KCNH5: variants seen among roughly 807,000 people sequenced by gnomAD.
The protein encoded by KCNH5 is voltage-gated delayed rectifier potassium channel KCNH5.
In KCNH5, 46 loss-of-function variants were observed where a neutral mutation model predicts 96.1. The ratio of observed to expected loss-of-function variants is 0.48; its 90% CI spans 0.38 to 0.61. KCNH5 has a LOEUF of 0.61. Among genes scored for constraint, KCNH5 ranks in the 20% least tolerant of loss-of-function variants. KCNH5 has a pLI of 0.00. For synonymous variants in KCNH5, 439 were observed against 449.8 expected (o/e 0.98, Z 0.30); for missense variants, 907 against 1,225.8 (o/e 0.74, Z 3.88).
chr14:62,844,701 TA>T (rs1157961695), intron 8 of KCNH5, among the ~76,000 whole-genome samples: 2 of 152,192 alleles, frequency 1.3e-5, no homozygotes, highest in East Asian at 1.9e-4. Context: ...TGTTCTATAT[TA>T]AAAAATATTG....
intron 8 of KCNH5, among the ~76,000 whole-genome samples, chr14:62,811,967 G>C (rs1886881408): frequency 6.6e-6 from 1 of 152,086 alleles, no homozygotes. Context: ...ATTAGGCATG[G>C]TTTGAAAAGT....
At chr14:62,959,657 G>A (rs75741258) in intron 6 of KCNH5, among the ~76,000 whole-genome samples, 3,480 of 152,136 alleles carry the variant, frequency 0.023, 76 homozygotes, top group African/African-American at 0.064. Flanking sequence ...GGTGTCACTA[G>A]TATAATCCTC....
At chr14:62,738,768 G>C (rs1199661994) in intron 10 of KCNH5, among the ~76,000 whole-genome samples, 1 of 152,120 alleles carries the variant, frequency 6.6e-6, no homozygotes, top group Non-Finnish European at 1.5e-5. Context: ...AATAAAACAT[G>C]TCTCTTGTTT....
At chr14:63,017,063 T>C (rs986071692) in intron 1 of KCNH5, 109 bp from the exon 2 acceptor site, 1 of 1,043,186 alleles carries the variant, frequency 9.6e-7, no homozygotes, top group African/African-American at 1.6e-5. Context: ...ACAACTATGG[T>C]TTGTAATTGT....
At position 62,971,285 on chromosome 14, in the gene KCNH5, C is replaced by T. The variant is rs533833790; in HGVS notation, c.942+9587G>A. ...ATTTACTTTAGCCCTCCCCAAAATA[C>T]TTAAATATAAATCTAATAAAATGTG... On this transcript the variant is annotated intron_variant, in intron 6 of 10. Transcript: ENST00000322893. Among the ~76,000 whole-genome samples, 28 of 152,120 alleles carry T rather than the reference C, an allele frequency of 1.8e-4. No individual in the cohort carries two copies. In the South Asian group the frequency reaches 3.9e-3, roughly 21 times the overall value.
chr14:62,963,751 T>C (rs1890255735), intron 6 of KCNH5, among the ~76,000 whole-genome samples: 1 of 152,094 alleles, frequency 6.6e-6, no homozygotes. Flanking sequence ...AGTAACAATG[T>C]GTAATCTGAA....
chr14:62,701,047 T>C lies in KCNH5; in HGVS notation c.*6461A>G, dbSNP rs549373164. ...AGCTTCAAGGTGAATATTTTGGCTT[T>C]GACTGCTTTGGTCATTCAACAGTCA... On this transcript the variant is annotated 3_prime_UTR_variant, in exon 11 of 11. Transcript: ENST00000322893. 1.4e-4 allele frequency: 21 copies of C among 152,300 alleles called. No individual in the cohort carries two copies. Among genetic ancestry groups the C allele is most frequent in the African/African-American group, 4.3e-4 (18 of 41,584 alleles). The allele number at this position is 152,300 out of a possible 1,614,324, so 9.4% of individuals were successfully genotyped here.
Position 62,981,236 on chromosome 14 carries a change from G to C in KCNH5, c.578C>G (p.Pro193Arg). 6.2e-7 allele frequency: 1 copy of C among 1,614,056 alleles called. No individual in the cohort carries two copies. Among genetic ancestry groups the C allele is most frequent in the Non-Finnish European group, 8.5e-7 (1 of 1,179,982 alleles). ...CTTTGGCGCTTCTTGTTTATACTGA[G>C]GAAGGATATCTGATCCCAGCTGAAG... ...EVLQLGSDIL[P>R]QYKQEAPKTP... Residue 193 changes from proline to arginine, a missense_variant, in exon 6 of 11, where the codon CCT becomes CGT. Physicochemically the swap from Pro to Arg is moderately radical, Grantham distance 103. Around this residue, in one of 6 missense-constraint regions of KCNH5, gnomAD observed 370 missense variants for 561.3 expected, o/e 0.66. Coordinates refer to ENST00000322893, the MANE Select transcript of KCNH5 (RefSeq NM_139318.5).
intron 8 of KCNH5, among the ~76,000 whole-genome samples, chr14:62,807,369 A>G (rs1886788606): frequency 6.6e-6 from 1 of 152,172 alleles, no homozygotes; most frequent in African/African-American, 2.4e-5. Flanking sequence ...AAAGAGCTCT[A>G]ATTAATTGGC....
intron 10 of KCNH5, among the ~76,000 whole-genome samples, chr14:62,753,673 G>A (rs373253654): frequency 2.0e-5 from 3 of 152,270 alleles, no homozygotes; most frequent in Admixed American, 1.3e-4. Context: ...TTACAGGCCA[G>A]GAGAGAGTGG....
Position 62,904,881 on chromosome 14 carries a change from G to A in KCNH5, c.1369+45252C>T, listed in dbSNP as rs142781724. Among the ~76,000 whole-genome samples the A allele has an allele frequency of 5.3e-5, 8 of 152,290 alleles. No individual in the cohort carries two copies. In the East Asian group the frequency reaches 1.5e-3, roughly 29 times the overall value. ...ACCAATGTTAATAGCTGGGTCAAAT[G>A]TTCAAGCTTTGCTTTTTAGATCAAA... On this transcript the variant is annotated intron_variant, in intron 7 of 10. Coordinates refer to ENST00000322893, the MANE Select transcript of KCNH5 (RefSeq NM_139318.5).
chr14:62,917,532 C>T (rs1034071972), intron 7 of KCNH5, among the ~76,000 whole-genome samples: 1 of 152,020 alleles, frequency 6.6e-6, no homozygotes, highest in Non-Finnish European at 1.5e-5. Flanking sequence ...TTTATCTGCA[C>T]CAAAATCCAG....
At chr14:62,955,605 A>G (rs1220795779) in intron 6 of KCNH5, among the ~76,000 whole-genome samples, 1 of 152,188 alleles carries the variant, frequency 6.6e-6, no homozygotes, top group Non-Finnish European at 1.5e-5. Context: ...CTCTATACCT[A>G]GAGTATAATG....
chr14:62,831,523 A>C (rs1887348977), intron 8 of KCNH5, among the ~76,000 whole-genome samples: 1 of 152,140 alleles, frequency 6.6e-6, no homozygotes, highest in South Asian at 2.1e-4. Flanking sequence ...ATATTTCTGC[A>C]TTTGAGAACT....
intron 10 of KCNH5, among the ~76,000 whole-genome samples, chr14:62,767,795 T>G (rs534062147): frequency 9.0e-4 from 137 of 152,176 alleles, no homozygotes; most frequent in Non-Finnish European, 1.6e-3. Context: ...AACCTGTACA[T>G]GTACCCCCGA....
At chr14:62,817,161 A>T (rs1886999469) in intron 8 of KCNH5, among the ~76,000 whole-genome samples, 1 of 130,430 alleles carries the variant, frequency 7.7e-6, no homozygotes, top group Admixed American at 8.2e-5. Flanking sequence ...ACATATACAT[A>T]ATATATAATA....
chr14:62,801,834 G>A (rs1364370376), intron 9 of KCNH5, among the ~76,000 whole-genome samples: 6 of 152,096 alleles, frequency 3.9e-5, no homozygotes, highest in Non-Finnish European at 1.5e-5. Context: ...TAGGTTGACC[G>A]TGATGAGGGA....
intron 9 of KCNH5, among the ~76,000 whole-genome samples, chr14:62,785,422 G>A (rs1886301334): frequency 6.6e-6 from 1 of 152,164 alleles, no homozygotes; most frequent in Non-Finnish European, 1.5e-5. Flanking sequence ...CACTTTCAGG[G>A]CTGGGAACTC....
intron 4 of KCNH5, among the ~76,000 whole-genome samples, chr14:62,992,537 C>T (rs1390109855): frequency 6.6e-6 from 1 of 151,958 alleles, no homozygotes; most frequent in African/African-American, 2.4e-5. Flanking sequence ...GAGATGGTAT[C>T]TCATTGTAGT....
Sources: allele counts gnomAD v4.1 joint callset (sites outside exome capture counted in the v4.1 genomes callset), GRCh38; gene constraint gnomAD v4.1.1; regional missense constraint gnomAD v4.1.1; transcripts MANE v1.5; gene names NCBI Gene and HGNC (gene_info 2026-07-23, HGNC 2026-07-21).